The following VSTM4 variants were observed in gnomAD, a reference collection of about 807,000 sequenced individuals.
The protein encoded by VSTM4 is V-set and transmembrane domain containing 4, also known as V-set and transmembrane domain-containing protein 4.
Under a neutral mutation model 36.4 loss-of-function variants are expected in VSTM4, and 20 were observed. The observed-to-expected ratio is 0.55, with a 90% CI of 0.39 to 0.80. The LOEUF is 0.80. VSTM4 is among the 30% of genes least tolerant of loss of function. The pLI, the probability that VSTM4 is intolerant of heterozygous loss-of-function variation, is 0.00. For missense variants in VSTM4, 392 were observed against 404.5 expected, an observed-to-expected ratio of 0.97 and a Z score of 0.26; for synonymous variants, 182 against 173.9, an observed-to-expected ratio of 1.05 and a Z score of -0.37.
At chr10:49,022,082 A>T (rs61848153) in intron 7 of VSTM4, among the ~76,000 whole-genome samples, 2 of 151,884 alleles carry the variant, frequency 1.3e-5, no homozygotes, top group Non-Finnish European at 2.9e-5. Context: ...ATTTGTTGTT[A>T]CCTTTTGGAT....
At chr10:49,042,695 C>A (rs1843540143) in intron 7 of VSTM4, among the ~76,000 whole-genome samples, 1 of 152,168 alleles carries the variant, frequency 6.6e-6, no homozygotes, top group South Asian at 2.1e-4. Context: ...GGAGGGTGTG[C>A]AGAATCATAA....
chr10:49,104,843 AGG>A (rs1844737197), intron 2 of VSTM4, among the ~76,000 whole-genome samples: 1 of 147,544 alleles, frequency 6.8e-6, no homozygotes, highest in Non-Finnish European at 1.5e-5. Context: ...AGAGAGAGAG[AGG>A]GACAGAGACA....
chr10:49,094,433 G>C (rs564592882), intron 2 of VSTM4, among the ~76,000 whole-genome samples: 1 of 152,168 alleles, frequency 6.6e-6, no homozygotes, highest in Admixed American at 6.5e-5. Context: ...GAAAGGAAGC[G>C]GAAGAAGTTA....
At chr10:49,080,861 A>G (rs1404153156) in intron 3 of VSTM4, among the ~76,000 whole-genome samples, 1 of 152,208 alleles carries the variant, frequency 6.6e-6, no homozygotes, top group Non-Finnish European at 1.5e-5. Context: ...ATGGAATGTG[A>G]GGAGCTTGAG....
At chr10:49,034,736 C>T (rs144890045) in intron 7 of VSTM4, among the ~76,000 whole-genome samples, 13 of 151,306 alleles carry the variant, frequency 8.6e-5, no homozygotes, top group African/African-American at 2.4e-4. Flanking sequence ...TTTTTTGAGA[C>T]GGTGATGTTT....
chr10:49,107,050 T>C (rs72785050), intron 2 of VSTM4, among the ~76,000 whole-genome samples: 25,851 of 152,248 alleles, frequency 0.17, 2,400 homozygotes, highest in Non-Finnish European at 0.22. Flanking sequence ...CAAACCCAGA[T>C]GGCTCCACAT....
At chr10:49,021,533 C>G (rs1017583753) in intron 7 of VSTM4, among the ~76,000 whole-genome samples, 3 of 152,020 alleles carry the variant, frequency 2.0e-5, no homozygotes, top group Non-Finnish European at 4.4e-5. Context: ...TTTCCACTAG[C>G]AAATCTGGCA....
At chr10:49,095,365 G>T (rs1229651712) in intron 2 of VSTM4, among the ~76,000 whole-genome samples, 1 of 152,008 alleles carries the variant, frequency 6.6e-6, no homozygotes, top group Non-Finnish European at 1.5e-5. Context: ...TCATCATTGG[G>T]CCCCTTCTGT....
At chr10:49,096,622 CGTGTGTGT>C (rs57143308) in intron 2 of VSTM4, among the ~76,000 whole-genome samples, 32 of 122,572 alleles carry the variant, frequency 2.6e-4, no homozygotes, top group South Asian at 9.2e-4. Context: ...CATTGAAGAC[CGTGTGTGT>C]GTGTGTGTGT....
chr10:49,065,668 T>C (rs967318650), intron 4 of VSTM4, among the ~76,000 whole-genome samples: 1 of 152,150 alleles, frequency 6.6e-6, no homozygotes, highest in Non-Finnish European at 1.5e-5. Context: ...TCCCAGGTAA[T>C]GCATCAAGAG....
intron 5 of VSTM4, among the ~76,000 whole-genome samples, chr10:49,063,446 G>C (rs1843917828): frequency 6.6e-6 from 1 of 152,072 alleles, no homozygotes; most frequent in Non-Finnish European, 1.5e-5. Flanking sequence ...TGATTTTTGT[G>C]GTTTTTAAAA....
chr10:49,097,868 C>T (rs1300002585), intron 2 of VSTM4, among the ~76,000 whole-genome samples: 2 of 152,202 alleles, frequency 1.3e-5, no homozygotes, highest in Non-Finnish European at 2.9e-5. Context: ...AATTGTGACT[C>T]AACTACTTCA....
chr10:49,101,186 TA>T (rs1844659421), intron 2 of VSTM4, among the ~76,000 whole-genome samples: 1 of 151,944 alleles, frequency 6.6e-6, no homozygotes, highest in South Asian at 2.1e-4. Context: ...TACATTTCAA[TA>T]AAAAATTCCA....
chr10:49,040,147 C>T (rs1426180017), intron 7 of VSTM4, among the ~76,000 whole-genome samples: 1 of 152,124 alleles, frequency 6.6e-6, no homozygotes, highest in Non-Finnish European at 1.5e-5. Context: ...ACAGAAAGCG[C>T]CTGTGTGATC....
intron 5 of VSTM4, among the ~76,000 whole-genome samples, chr10:49,062,442 T>C (rs151301236): frequency 6.6e-6 from 1 of 152,362 alleles, no homozygotes; most frequent in African/African-American, 2.4e-5. Flanking sequence ...TTGCTGGATA[T>C]AAAATTTGGG....
At chr10:49,028,696 C>T (rs183558592) in intron 7 of VSTM4, among the ~76,000 whole-genome samples, 120 of 152,350 alleles carry the variant, frequency 7.9e-4, no homozygotes, top group African/African-American at 2.6e-3. Context: ...CAAAACAACA[C>T]TTTTTCACAG....
chr10:49,026,739 T>G (rs1843267870), intron 7 of VSTM4, among the ~76,000 whole-genome samples: 1 of 152,130 alleles, frequency 6.6e-6, no homozygotes, highest in African/African-American at 2.4e-5. Context: ...AGAAGATTTA[T>G]TCCCTCACAG....
chr10:49,093,044 G>T (rs545834785), intron 2 of VSTM4, among the ~76,000 whole-genome samples: 37 of 152,006 alleles, frequency 2.4e-4, no homozygotes, highest in Non-Finnish European at 5.0e-4. Context: ...AATAAAACTT[G>T]GAGAATAAGA....
At chr10:49,109,347 C>T (rs570563317) in intron 1 of VSTM4, among the ~76,000 whole-genome samples, 2 of 152,156 alleles carry the variant, frequency 1.3e-5, no homozygotes, top group African/African-American at 4.8e-5. Context: ...AGCAAGCAGG[C>T]GGCCCTGCGG....
Sources: allele counts gnomAD v4.1 joint callset (sites outside exome capture counted in the v4.1 genomes callset), GRCh38; gene constraint gnomAD v4.1.1; transcripts MANE v1.5; gene names NCBI Gene and HGNC (gene_info 2026-07-23, HGNC 2026-07-21).